GNAQ: variants seen among roughly 807,000 people sequenced by gnomAD.
The protein encoded by GNAQ is G protein subunit alpha q.
In GNAQ, 8 loss-of-function variants were observed where a neutral mutation model predicts 43.9. That is an observed-to-expected ratio of 0.18 (90% CI 0.11 to 0.33). GNAQ has a LOEUF of 0.33. Among genes scored for constraint, GNAQ ranks in the 10% least tolerant of loss-of-function variants. The pLI is 1.00. For synonymous variants in GNAQ, 155 were observed against 170.7 expected, an observed-to-expected ratio of 0.91 and a Z score of 0.71; for missense variants, 158 against 450.8, an observed-to-expected ratio of 0.35 and a Z score of 5.88.
intron 1 of GNAQ, among the ~76,000 whole-genome samples, chr9:78,008,157 A>G (rs187518070): frequency 0.056 from 8,569 of 152,220 alleles, 277 homozygotes; most frequent in Non-Finnish European, 0.057. Flanking sequence ...GTGTTGTTTG[A>G]GCCGCTGAAA....
At chr9:77,744,164 G>C (rs977877808) in intron 5 of GNAQ, among the ~76,000 whole-genome samples, 13 of 152,134 alleles carry the variant, frequency 8.5e-5, no homozygotes, top group Non-Finnish European at 4.4e-5. Flanking sequence ...ATGAAGTTTG[G>C]TTTTGTCTTG....
At chr9:77,974,553 C>G (rs1587440246) in intron 1 of GNAQ, among the ~76,000 whole-genome samples, 2 of 152,274 alleles carry the variant, frequency 1.3e-5, no homozygotes, top group Admixed American at 1.3e-4. Flanking sequence ...CAATCATACC[C>G]AATTTACAGA....
intron 2 of GNAQ, among the ~76,000 whole-genome samples, chr9:77,817,948 A>G (rs1379185687): frequency 6.6e-6 from 1 of 152,154 alleles, no homozygotes; most frequent in African/African-American, 2.4e-5. Context: ...CACTTTTTAA[A>G]AACTGTGACT....
At chr9:77,840,586 C>G (rs1394073430) in intron 2 of GNAQ, among the ~76,000 whole-genome samples, 2 of 152,156 alleles carry the variant, frequency 1.3e-5, no homozygotes, top group Non-Finnish European at 2.9e-5. Context: ...AACCGTTTGC[C>G]TCGGCCTCCC....
At chr9:77,966,169 ATAGG>A in intron 1 of GNAQ, among the ~76,000 whole-genome samples, 1 of 152,056 alleles carries the variant, frequency 6.6e-6, no homozygotes, top group East Asian at 1.9e-4. Flanking sequence ...GGAGGGGGAG[ATAGG>A]TGGGAGGGAG....
chr9:78,025,562 C>T (rs769817807), intron 1 of GNAQ, among the ~76,000 whole-genome samples: 9 of 152,140 alleles, frequency 5.9e-5, no homozygotes, highest in Non-Finnish European at 1.0e-4. Flanking sequence ...GACTGCCTCC[C>T]GTTCCAACCA....
chr9:77,754,449 C>T (rs1213690313), intron 5 of GNAQ, among the ~76,000 whole-genome samples: 2 of 152,124 alleles, frequency 1.3e-5, no homozygotes, highest in Non-Finnish European at 2.9e-5. Flanking sequence ...AACAAGTTCC[C>T]ACATCATAAC....
intron 5 of GNAQ, among the ~76,000 whole-genome samples, chr9:77,760,931 C>G (rs1429151378): frequency 6.6e-6 from 1 of 151,090 alleles, no homozygotes; most frequent in Non-Finnish European, 1.5e-5. Flanking sequence ...CATCTCTGCC[C>G]AGCCGCCCCA....
At chr9:77,793,462 G>A (rs933628402) in intron 5 of GNAQ, among the ~76,000 whole-genome samples, 13 of 152,082 alleles carry the variant, frequency 8.5e-5, no homozygotes, top group Non-Finnish European at 1.5e-4. Context: ...TTTTAATGGA[G>A]ATATTAATAC....
chr9:77,777,679 T>C (rs1365790255), intron 5 of GNAQ, among the ~76,000 whole-genome samples: 2 of 151,956 alleles, frequency 1.3e-5, no homozygotes, highest in Admixed American at 6.6e-5. Flanking sequence ...AGGATCTAAA[T>C]AGACATTTCT....
At chr9:78,013,116 TG>T (rs1936289230) in intron 1 of GNAQ, among the ~76,000 whole-genome samples, 1 of 152,060 alleles carries the variant, frequency 6.6e-6, no homozygotes, top group Non-Finnish European at 1.5e-5. Context: ...ATAAAGGAAA[TG>T]TAAGTTAGAG....
intron 1 of GNAQ, among the ~76,000 whole-genome samples, chr9:77,929,512 C>CT (rs1399985729): frequency 1.3e-5 from 2 of 151,804 alleles, no homozygotes; most frequent in African/African-American, 4.8e-5. Flanking sequence ...GGTAAATGTA[C>CT]TTTTTCCTGT....
At chr9:77,990,485 A>G (rs1216240927) in intron 1 of GNAQ, among the ~76,000 whole-genome samples, 1 of 152,164 alleles carries the variant, frequency 6.6e-6, no homozygotes, top group Non-Finnish European at 1.5e-5. Context: ...GCCTTTTCCA[A>G]GTGCTGGGAT....
intron 1 of GNAQ, among the ~76,000 whole-genome samples, chr9:77,968,274 T>C (rs750881707): frequency 6.6e-6 from 1 of 152,198 alleles, no homozygotes; most frequent in African/African-American, 2.4e-5. Flanking sequence ...ATGGATGTTG[T>C]CTGCTTAGAA....
Position 78,013,192 on chromosome 9 carries a change from T to C in GNAQ, c.136+17908A>G, listed in dbSNP as rs187708776. Among the ~76,000 whole-genome samples the C allele has an allele frequency of 1.2e-4, 19 of 152,286 alleles. No homozygotes were observed. The East Asian group carries it at 3.1e-3, about 25-fold the overall frequency. The stretch of plus-strand genomic sequence containing the variant: ...TCCTTCCATCTGACACAAATACCCA[T>C]ATTATATTGAAATTAAGGTAATTTC... On this transcript the variant is annotated intron_variant, in intron 1 of 6. Transcript: ENST00000286548.
intron 1 of GNAQ, among the ~76,000 whole-genome samples, chr9:77,940,912 C>T (rs562748020): frequency 2.8e-5 from 4 of 144,708 alleles, no homozygotes; most frequent in South Asian, 2.2e-4. Context: ...TGCAGTGAGC[C>T]GAGATCACAC....
At chr9:77,826,128 T>C (rs781651798) in intron 2 of GNAQ, among the ~76,000 whole-genome samples, 25 of 152,168 alleles carry the variant, frequency 1.6e-4, no homozygotes, top group Non-Finnish European at 3.2e-4. Flanking sequence ...TTCCCACTAT[T>C]GTCAAGAATA....
At chr9:77,899,915 A>G (rs1828573854) in intron 2 of GNAQ, among the ~76,000 whole-genome samples, 1 of 152,240 alleles carries the variant, frequency 6.6e-6, no homozygotes, top group Admixed American at 6.5e-5. Context: ...CTTGCATTCT[A>G]GCAGAGCAAA....
At chr9:77,892,050 G>C (rs564946921) in intron 2 of GNAQ, among the ~76,000 whole-genome samples, 2 of 152,184 alleles carry the variant, frequency 1.3e-5, no homozygotes, top group East Asian at 3.9e-4. Flanking sequence ...TTGTTTGTTT[G>C]TTTGCTAATA....
Sources: allele counts gnomAD v4.1 joint callset (sites outside exome capture counted in the v4.1 genomes callset), GRCh38; gene constraint gnomAD v4.1.1; transcripts MANE v1.5; gene names NCBI Gene and HGNC (gene_info 2026-07-23, HGNC 2026-07-21).